The following METTL15 variants were observed in gnomAD, a reference collection of about 807,000 sequenced individuals.
METTL15 encodes 12S rRNA N(4)-cytidine methyltransferase METTL15.
METTL15 carries 34 observed loss-of-function variants against 38.3 expected under a neutral mutation model. The ratio of observed to expected loss-of-function variants is 0.89; its 90% CI spans 0.68 to 1.18. The LOEUF (loss-of-function observed/expected upper bound fraction) is 1.18, where lower values mean the gene tolerates loss of function less well. Ranked by LOEUF, METTL15 falls within the 50% of genes most tolerant of loss-of-function variation. The probability of loss-of-function intolerance (pLI) is 0.00; values close to 1 mark genes in which losing one functional copy is unlikely to be tolerated. For missense variants in METTL15, 438 were observed against 498.4 expected (o/e 0.88, Z 1.15); for synonymous variants, 162 against 170.9 (o/e 0.95, Z 0.41).
At chr11:28,465,023 C>CT (rs1270673209) in intron 6 of METTL15, among the ~76,000 whole-genome samples, 2 of 152,208 alleles carry the variant, frequency 1.3e-5, no homozygotes, top group African/African-American at 4.8e-5. Flanking sequence ...GCCTACTCAT[C>CT]TTTTTAGTAT....
At chr11:28,192,404 T>A (rs1229922583) in intron 3 of METTL15, among the ~76,000 whole-genome samples, 1 of 151,860 alleles carries the variant, frequency 6.6e-6, no homozygotes, top group Non-Finnish European at 1.5e-5. Context: ...TAGTTATTCC[T>A]TTTATATATT....
chr11:28,404,740 C>T (rs535227343), intron 5 of METTL15, among the ~76,000 whole-genome samples: 8 of 152,168 alleles, frequency 5.3e-5, no homozygotes, highest in Admixed American at 1.3e-4. Context: ...CGTCGCACTG[C>T]GAAGATAATG....
intron 4 of METTL15, among the ~76,000 whole-genome samples, chr11:28,225,807 C>T (rs1474548436): frequency 6.6e-6 from 1 of 151,756 alleles, no homozygotes; most frequent in African/African-American, 2.4e-5. Context: ...ATTTTCTACC[C>T]TATGAGCCCT....
chr11:28,211,348 G>A, intron 4 of METTL15, 150 bp downstream of exon 4: 1 of 632,116 alleles, frequency 1.6e-6, no homozygotes, highest in Non-Finnish European at 2.4e-6. Flanking sequence ...ATTAATGTAA[G>A]TGATGTTTTT....
intron 6 of METTL15, among the ~76,000 whole-genome samples, chr11:28,298,250 G>A (rs1024065019): frequency 2.2e-4 from 34 of 152,080 alleles, no homozygotes; most frequent in African/African-American, 7.2e-4. Context: ...TGTCTCCACC[G>A]TATCCTTTCT....
downstream of METTL15, among the ~76,000 whole-genome samples, chr11:28,335,140 G>A (rs558689787): frequency 2.0e-5 from 3 of 152,180 alleles, no homozygotes; most frequent in South Asian, 6.2e-4. Flanking sequence ...TTTATGCTTT[G>A]AGCAATAACA....
At chr11:28,428,155 AC>A (rs1249191947) in intron 6 of METTL15, among the ~76,000 whole-genome samples, 4 of 152,198 alleles carry the variant, frequency 2.6e-5, no homozygotes, top group Non-Finnish European at 5.9e-5. Context: ...GAGTGTACTT[AC>A]ACAAACCTAG....
rs1293390647 is a variant in METTL15 at position 28,431,177 on chromosome 11, G to A, written c.*424+6813G>A. Among the ~76,000 whole-genome samples, 113 of 101,586 alleles carry A rather than the reference G, an allele frequency of 1.1e-3. 13 individuals are homozygous for A. Among genetic ancestry groups the A allele is most frequent in the African/African-American group, 1.6e-3 (53 of 33,168 alleles). The allele number at this position is 101,586 out of a possible 152,430, so 66.6% of individuals were successfully genotyped here. On this transcript the variant is annotated intron_variant and NMD_transcript_variant, in intron 6 of 7. Transcript: ENST00000532947. ...AGGTGGGGGGGTCAGCCCCCTGCCC[G>A]GCCATCCGCCCCGTCCGGGAGGTGA... is the stretch of plus-strand genomic sequence containing the variant.
At chr11:28,216,765 A>G (rs1017250706) in intron 4 of METTL15, among the ~76,000 whole-genome samples, 4 of 130,958 alleles carry the variant, frequency 3.1e-5, no homozygotes, top group African/African-American at 1.2e-4. Flanking sequence ...CCTGTGTCCA[A>G]GTGTTCTCAT....
At chr11:28,515,203 T>C (rs1000331879) in intron 6 of METTL15, among the ~76,000 whole-genome samples, 3 of 152,122 alleles carry the variant, frequency 2.0e-5, no homozygotes, top group Non-Finnish European at 4.4e-5. Flanking sequence ...AACTGGTAAA[T>C]AGGAGAACCA....
chr11:28,466,398 G>T (rs552943200), intron 6 of METTL15, among the ~76,000 whole-genome samples: 1 of 152,278 alleles, frequency 6.6e-6, no homozygotes, highest in African/African-American at 2.4e-5. Context: ...TAGCTTCCTC[G>T]AGTGGAGAAA....
At chr11:28,337,149 G>C (rs375729494), downstream of METTL15, among the ~76,000 whole-genome samples, 1 of 152,120 alleles carries the variant, frequency 6.6e-6, no homozygotes, top group African/African-American at 2.4e-5. Context: ...CAGCATGTTT[G>C]TGTTTTAAGC....
intron 4 of METTL15, among the ~76,000 whole-genome samples, chr11:28,270,522 A>G (rs553845330): frequency 6.6e-6 from 1 of 152,308 alleles, no homozygotes; most frequent in South Asian, 2.1e-4. Context: ...GCGGTGATCA[A>G]GAATAGAGAC....
chr11:28,134,806 A>G (rs1422643528), intron 3 of METTL15, among the ~76,000 whole-genome samples: 2 of 152,242 alleles, frequency 1.3e-5, no homozygotes, highest in East Asian at 1.9e-4. Context: ...AAAAATCCCA[A>G]GGCTGCCAAT....
chr11:28,177,370 C>T (rs919115329), intron 3 of METTL15, among the ~76,000 whole-genome samples: 5 of 151,904 alleles, frequency 3.3e-5, no homozygotes, highest in African/African-American at 1.2e-4. Context: ...ATGCTGGTTT[C>T]TTCAAAGATG....
chr11:28,223,355 A>G (rs1853331424), intron 4 of METTL15, among the ~76,000 whole-genome samples: 1 of 152,154 alleles, frequency 6.6e-6, no homozygotes, highest in African/African-American at 2.4e-5. Flanking sequence ...ATATGTAGTA[A>G]TAAAATGAAG....
At chr11:28,372,002 T>TAC (rs1293042300) in intron 5 of METTL15, among the ~76,000 whole-genome samples, 5 of 152,062 alleles carry the variant, frequency 3.3e-5, no homozygotes, top group Non-Finnish European at 5.9e-5. Context: ...CTAACTTTTC[T>TAC]AGTGAGAACT....
intron 4 of METTL15, among the ~76,000 whole-genome samples, chr11:28,214,641 A>G (rs1852787142): frequency 6.6e-6 from 1 of 152,200 alleles, no homozygotes; most frequent in Non-Finnish European, 1.5e-5. Context: ...AGCAGTAATT[A>G]TTTTCCTAAA....
chr11:28,372,017 G>C (rs1850248618), intron 5 of METTL15, among the ~76,000 whole-genome samples: 1 of 151,674 alleles, frequency 6.6e-6, no homozygotes, highest in African/African-American at 2.4e-5. Flanking sequence ...AGAACTTACA[G>C]TATTATGTTG....
Sources: allele counts gnomAD v4.1 joint callset (sites outside exome capture counted in the v4.1 genomes callset), GRCh38; gene constraint gnomAD v4.1.1; transcripts MANE v1.5; gene names NCBI Gene and HGNC (gene_info 2026-07-23, HGNC 2026-07-21).